Variants in MPPED1 observed in about 807,000 individuals in gnomAD.
The protein encoded by MPPED1 is metallophosphoesterase domain containing 1.
A neutral mutation model predicts 36.2 loss-of-function variants in MPPED1; 16 were observed. That is an observed-to-expected ratio of 0.44 (90% CI 0.30 to 0.67). The LOEUF is 0.67. Ranked by LOEUF, MPPED1 falls within the 30% of genes least tolerant of loss-of-function variation. The pLI, the probability that MPPED1 is intolerant of heterozygous loss-of-function variation, is 0.10. For synonymous variants in MPPED1, 199 were observed against 191.3 expected, an observed-to-expected ratio of 1.04 and a Z score of -0.33; for missense variants, 307 against 453.4, an observed-to-expected ratio of 0.68 and a Z score of 2.93.
intron 2 of MPPED1, among the ~76,000 whole-genome samples, chr22:43,427,534 C>T (rs553355194): frequency 1.3e-5 from 2 of 152,170 alleles, no homozygotes; most frequent in South Asian, 2.1e-4. Context: ...GGCCGGGCTG[C>T]GTCCTGAGGG....
At chr22:43,498,624 G>A (rs911078366) in intron 5 of MPPED1, among the ~76,000 whole-genome samples, 6 of 152,062 alleles carry the variant, frequency 3.9e-5, no homozygotes, top group East Asian at 3.9e-4. Context: ...CTGGAGCTTC[G>A]GCTTATGCCT....
At chr22:43,501,670 C>T (rs1184233571) in intron 5 of MPPED1, among the ~76,000 whole-genome samples, 1 of 152,190 alleles carries the variant, frequency 6.6e-6, no homozygotes, top group Non-Finnish European at 1.5e-5. Flanking sequence ...GCCCAGCACT[C>T]TATTGGATGA....
chr22:43,499,809 A>G (rs1161613687), intron 5 of MPPED1, among the ~76,000 whole-genome samples: 15 of 4,964 alleles, frequency 3.0e-3, no homozygotes, highest in East Asian at 6.8e-3. Context: ...GGAGGTGGTG[A>G]TGGGGGTGGT....
intron 3 of MPPED1, among the ~76,000 whole-genome samples, chr22:43,442,207 C>G (rs1290908259): frequency 6.6e-6 from 1 of 151,986 alleles, no homozygotes; most frequent in Non-Finnish European, 1.5e-5. Flanking sequence ...ATGGGAAGGT[C>G]CCCATCCCAG....
At chr22:43,500,448 ACGG>A (rs1932698526) in intron 5 of MPPED1, among the ~76,000 whole-genome samples, 1 of 120,570 alleles carries the variant, frequency 8.3e-6, no homozygotes, top group African/African-American at 3.3e-5. Flanking sequence ...GGAGGTGGTG[ACGG>A]AGGTGGTGGA....
intron 3 of MPPED1, among the ~76,000 whole-genome samples, chr22:43,470,875 G>A (rs773869411): frequency 6.6e-6 from 1 of 152,232 alleles, no homozygotes; most frequent in Non-Finnish European, 1.5e-5. Context: ...AGAGGGATGT[G>A]GTGCTGGACA....
At chr22:43,455,592 G>A (rs1930727284) in intron 3 of MPPED1, among the ~76,000 whole-genome samples, 1 of 152,132 alleles carries the variant, frequency 6.6e-6, no homozygotes, top group South Asian at 2.1e-4. Flanking sequence ...CCTATAACAG[G>A]TGAAACTGCC....
chr22:43,464,714 G>A (rs1271043953), intron 3 of MPPED1, among the ~76,000 whole-genome samples: 2 of 152,150 alleles, frequency 1.3e-5, no homozygotes, highest in South Asian at 2.1e-4. Context: ...GAGACCCCCT[G>A]GGACTCTGGC....
chr22:43,446,703 C>T (rs1249258663), intron 3 of MPPED1, among the ~76,000 whole-genome samples: 2 of 152,192 alleles, frequency 1.3e-5, no homozygotes, highest in African/African-American at 4.8e-5. Flanking sequence ...AGTGCTTGGA[C>T]ACATGAAGTA....
chr22:43,499,765 C>T (rs371498635), intron 5 of MPPED1, among the ~76,000 whole-genome samples: 85 of 4,140 alleles, frequency 0.021, no homozygotes, highest in Non-Finnish European at 0.023. Flanking sequence ...ATGGAGGTGG[C>T]GGTGGTGATG....
At position 43,450,202 on chromosome 22, in the gene MPPED1, G is replaced by A. The variant is rs889480951; in HGVS notation, c.406+14987G>A. Among the ~76,000 whole-genome samples, 3 of 152,370 alleles carry A rather than the reference G, an allele frequency of 2.0e-5. No individual in the cohort carries two copies. The East Asian group carries it at 5.8e-4, about 29-fold the overall frequency. On this transcript the variant is annotated intron_variant, in intron 3 of 6. Transcript: ENST00000443721. ...TCTGGGTTTCAGAGGGAGCCATGATGTGGTCATGTCCGTGGACCTGGGCTA... is the reference window on the plus strand; with the variant it reads ...TCTGGGTTTCAGAGGGAGCCATGATATGGTCATGTCCGTGGACCTGGGCTA...
intron 4 of MPPED1, among the ~76,000 whole-genome samples, chr22:43,476,375 G>A (rs1324640547): frequency 6.6e-6 from 1 of 152,112 alleles, no homozygotes; most frequent in Non-Finnish European, 1.5e-5. Flanking sequence ...TGAGGGAAGA[G>A]AAGGGTATTC....
intron 3 of MPPED1, among the ~76,000 whole-genome samples, chr22:43,454,074 T>C (rs1209666909): frequency 1.3e-5 from 2 of 152,128 alleles, no homozygotes; most frequent in East Asian, 3.8e-4. Context: ...AGTGGTGCGA[T>C]CTAGGCTCAC....
At chr22:43,482,089 A>G (rs1285777876) in intron 4 of MPPED1, among the ~76,000 whole-genome samples, 1 of 152,090 alleles carries the variant, frequency 6.6e-6, no homozygotes, top group Non-Finnish European at 1.5e-5. Flanking sequence ...CAACTGCAGG[A>G]GAAGAGGAAG....
intron 3 of MPPED1, among the ~76,000 whole-genome samples, chr22:43,435,779 C>A (rs533950119): frequency 1.3e-5 from 2 of 152,252 alleles, no homozygotes; most frequent in South Asian, 4.1e-4. Flanking sequence ...ATTGCTTGAA[C>A]CTGGGTGGTG....
At chr22:43,434,217 C>T (rs932246273) in intron 2 of MPPED1, among the ~76,000 whole-genome samples, 2 of 152,242 alleles carry the variant, frequency 1.3e-5, no homozygotes, top group Admixed American at 6.5e-5. Context: ...TACAGATGTG[C>T]AGACCCAGGC....
At chr22:43,504,338 T>C (rs1602032343) in intron 6 of MPPED1, among the ~76,000 whole-genome samples, 1 of 151,906 alleles carries the variant, frequency 6.6e-6, no homozygotes, top group Non-Finnish European at 1.5e-5. Flanking sequence ...ACATCAGTGA[T>C]GGCATCATCA....
rs1436042615 is a variant in MPPED1, at chr22:43,425,126, G to C, written c.141G>C (p.Val47=). The C allele has an allele frequency of 6.2e-7, 1 of 1,613,896 alleles. No homozygotes were observed. The highest frequency in any genetic ancestry group is 8.5e-7 in the Non-Finnish European group (1 of 1,179,894). ...AGCACAGCCGGCTCATCATCGAGGT[G>C]GACGAGTACAGCTCCAACCCCACCC... ...RHQHSRLIIE[V]DEYSSNPTQA... The change falls in exon 2 of 7, where the codon GTG becomes GTC. Residue 47 remains valine (V), a synonymous_variant. Coordinates refer to ENST00000443721, the MANE Select transcript of MPPED1 (RefSeq NM_001044370.2).
At chr22:43,495,927 A>AGAT (rs1932312457) in intron 4 of MPPED1, among the ~76,000 whole-genome samples, 1 of 100,890 alleles carries the variant, frequency 9.9e-6, no homozygotes, top group Non-Finnish European at 2.1e-5. Context: ...GTGGTGGTGG[A>AGAT]GGTGATGGTG....
Sources: gnomAD v4.1 joint callset for allele counts (sites outside exome capture counted in the v4.1 genomes callset) on GRCh38, gnomAD v4.1.1 for gene constraint, MANE v1.5 for transcripts, NCBI Gene and HGNC (gene_info 2026-07-23, HGNC 2026-07-21) for gene names.